The following LCORL variants were observed in gnomAD, a reference collection of about 807,000 sequenced individuals.
LCORL encodes ligand dependent nuclear receptor corepressor like.
Under a neutral mutation model 141.8 loss-of-function variants are expected in LCORL, and 41 were observed. The observed-to-expected ratio is 0.29, with a 90% CI of 0.23 to 0.38. LCORL has a LOEUF of 0.38. Among genes scored for constraint, LCORL ranks in the 10% least tolerant of loss-of-function variants. The probability of loss-of-function intolerance (pLI) is 1.00; values close to 1 mark genes in which losing one functional copy is unlikely to be tolerated. For synonymous variants in LCORL, 618 were observed against 694.1 expected (o/e 0.89, Z 1.72); for missense variants, 1,759 against 2,035.0 (o/e 0.86, Z 2.61).
At chr4:17,862,146 A>C (rs1725086060) in intron 7 of LCORL, among the ~76,000 whole-genome samples, 1 of 152,054 alleles carries the variant, frequency 6.6e-6, no homozygotes, top group African/African-American at 2.4e-5. Context: ...GTATTATTCC[A>C]TTTTCATGCT....
At chr4:17,904,801 G>A (rs988276295) in intron 5 of LCORL, among the ~76,000 whole-genome samples, 1 of 151,964 alleles carries the variant, frequency 6.6e-6, no homozygotes, top group Non-Finnish European at 1.5e-5. Flanking sequence ...ATGCTGCTAC[G>A]TTTAGCAAGA....
At chr4:17,978,579 C>CA (rs202146842) in intron 1 of LCORL, among the ~76,000 whole-genome samples, 1,485 of 125,136 alleles carry the variant, frequency 0.012, 31 homozygotes, top group African/African-American at 0.029. Context: ...GACCTTGTCT[C>CA]AAAAAAAAAA....
intron 4 of LCORL, among the ~76,000 whole-genome samples, chr4:17,932,739 T>C (rs1442714420): frequency 5.3e-5 from 8 of 152,208 alleles, no homozygotes; most frequent in Non-Finnish European, 1.0e-4. Flanking sequence ...GTACTGTCTA[T>C]GGATATTTTT....
At chr4:17,945,373 T>C (rs887510495) in intron 4 of LCORL, among the ~76,000 whole-genome samples, 49 of 151,824 alleles carry the variant, frequency 3.2e-4, no homozygotes, top group African/African-American at 9.9e-4. Flanking sequence ...AGTTGAGATG[T>C]TGGATTGATT....
intron 1 of LCORL, chr4:18,020,444 C>T (rs1725325849): frequency 6.6e-6 from 1 of 152,172 alleles, no homozygotes; most frequent in Admixed American, 6.5e-5. Context: ...CCCTACACTC[C>T]CACCCATAAC....
intron 4 of LCORL, among the ~76,000 whole-genome samples, chr4:17,943,838 A>G (rs1480936546): frequency 6.6e-6 from 1 of 152,192 alleles, no homozygotes; most frequent in Admixed American, 6.5e-5. Flanking sequence ...CAGACACATT[A>G]TCATAAGAAT....
intron 1 of LCORL, among the ~76,000 whole-genome samples, chr4:18,017,178 A>T (rs1724767558): frequency 1.3e-5 from 2 of 152,146 alleles, no homozygotes; most frequent in African/African-American, 2.4e-5. Flanking sequence ...ATAAAATTAA[A>T]AATCCATGAG....
At chr4:17,875,652 T>C (rs1164995236) in exon 7 of LCORL, 5 of 1,231,228 alleles carry the variant, frequency 4.1e-6, no homozygotes, top group Non-Finnish European at 5.1e-6. Flanking sequence ...GGGCTCATTC[T>C]GGCAAACAGT....
At chr4:17,903,758 T>C (rs1387416379) in intron 5 of LCORL, among the ~76,000 whole-genome samples, 3 of 151,946 alleles carry the variant, frequency 2.0e-5, no homozygotes, top group South Asian at 2.1e-4. Context: ...TAAGTGAGTG[T>C]AGAGTTTGTG....
At chr4:17,942,897 C>T (rs1165665929) in intron 4 of LCORL, among the ~76,000 whole-genome samples, 2 of 152,076 alleles carry the variant, frequency 1.3e-5, no homozygotes, top group Non-Finnish European at 2.9e-5. Context: ...CCTGTCAGTT[C>T]AGCAGTAGCA....
chr4:17,958,594 C>T (rs760107580), intron 4 of LCORL, among the ~76,000 whole-genome samples: 9 of 151,920 alleles, frequency 5.9e-5, no homozygotes, highest in Non-Finnish European at 1.2e-4. Context: ...AACAAACTGG[C>T]TGATATTCAA....
In LCORL at chr4:18,021,358, A is replaced by G. The variant is rs1725541219; in HGVS notation, c.154+240T>C. On this transcript the variant is annotated intron_variant, in intron 1 of 7. Transcript: ENST00000635767. This position sits in a 1 kb window ranked among gnomAD's most constrained non-coding sequence, Gnocchi z 5.5. The stretch of plus-strand genomic sequence containing the variant: ...GCGGGGGCTCAGCAAGCGGGTCCAA[A>G]CTAACAGTTCCCGGGGAGCCCAAGA... 1.3e-5 allele frequency among the ~76,000 whole-genome samples: 2 copies of G among 152,032 alleles called. No homozygotes were observed. The highest frequency in any genetic ancestry group is 4.8e-5 in the African/African-American group (2 of 41,428).
At chr4:17,883,454 C>A in intron 6 of LCORL, 1 of 1,177,254 alleles carries the variant, frequency 8.5e-7, no homozygotes, top group Non-Finnish European at 1.0e-6. Flanking sequence ...ATCTTTTTCA[C>A]CTATTTATAC....
At chr4:17,863,627 A>G (rs1309219392) in intron 7 of LCORL, among the ~76,000 whole-genome samples, 1 of 152,248 alleles carries the variant, frequency 6.6e-6, no homozygotes. Flanking sequence ...CATTTGATCC[A>G]GCAATCCCAT....
intron 1 of LCORL, among the ~76,000 whole-genome samples, chr4:17,974,740 CTT>C (rs1284090900): frequency 1.3e-5 from 2 of 152,080 alleles, no homozygotes; most frequent in Non-Finnish European, 2.9e-5. Flanking sequence ...TTGGAGCTCT[CTT>C]TGTGGTAAAA....
At chr4:17,860,375 C>T (rs1393118828) in intron 7 of LCORL, among the ~76,000 whole-genome samples, 1 of 152,152 alleles carries the variant, frequency 6.6e-6, no homozygotes, top group Non-Finnish European at 1.5e-5. Context: ...CACATGGTGG[C>T]AGACAAGAGA....
chr4:17,949,779 G>T (rs988348643), intron 4 of LCORL, among the ~76,000 whole-genome samples: 1 of 152,124 alleles, frequency 6.6e-6, no homozygotes, highest in African/African-American at 2.4e-5. Flanking sequence ...AGAAGGCAAT[G>T]ATTCAGTAAA....
At chr4:17,996,114 T>G (rs1309471848) in intron 1 of LCORL, among the ~76,000 whole-genome samples, 1 of 152,080 alleles carries the variant, frequency 6.6e-6, no homozygotes, top group Admixed American at 6.5e-5. Flanking sequence ...ACAATTCAAA[T>G]GTGTGAACCA....
At chr4:17,966,030 T>C (rs1419029096) in intron 2 of LCORL, among the ~76,000 whole-genome samples, 1 of 152,108 alleles carries the variant, frequency 6.6e-6, no homozygotes, top group Non-Finnish European at 1.5e-5. Context: ...GAGGGAAAGA[T>C]ACTAATCCTT....
Sources: gnomAD v4.1 joint callset for allele counts (sites outside exome capture counted in the v4.1 genomes callset) on GRCh38, gnomAD v4.1.1 for gene constraint, Gnocchi (gnomAD v3.1) non-coding constraint, MANE v1.5 for transcripts, NCBI Gene and HGNC (gene_info 2026-07-23, HGNC 2026-07-21) for gene names.